Variants in RFTN2 observed in about 807,000 individuals in gnomAD.
RFTN2 encodes raftlin-2.
Under a neutral mutation model 52.7 loss-of-function variants are expected in RFTN2, and 34 were observed. The observed-to-expected ratio is 0.64, with a 90% CI of 0.49 to 0.86. RFTN2 has a LOEUF of 0.86. RFTN2 is among the 40% of genes least tolerant of loss of function. RFTN2 has a pLI of 0.00. For missense variants in RFTN2, 536 were observed against 600.1 expected (o/e 0.89, Z 1.12); for synonymous variants, 203 against 217.7 (o/e 0.93, Z 0.59).
At chr2:197,590,668 T>C (rs937372745) in intron 8 of RFTN2, among the ~76,000 whole-genome samples, 2 of 152,158 alleles carry the variant, frequency 1.3e-5, no homozygotes, top group African/African-American at 4.8e-5. Flanking sequence ...TGTTTGGATG[T>C]GTTCGGAGTT....
Position 197,668,746 on chromosome 2 carries a change from G to A in RFTN2, c.139+6574C>T, listed in dbSNP as rs534315871. ...GGATGGGGCTCTAAAATGGTGCCTT[G>A]CTGTAGCTGCCTAAGTCTCGGGAAG... On this transcript the variant is annotated intron_variant, in intron 1 of 8. Transcript: ENST00000295049. 2.5e-4 allele frequency among the ~76,000 whole-genome samples: 38 copies of A among 152,292 alleles called. No individual in the cohort carries two copies. The South Asian group carries it at 7.5e-3, about 30-fold the overall frequency.
chr2:197,606,539 G>A (rs930202454), intron 7 of RFTN2, among the ~76,000 whole-genome samples: 3 of 152,006 alleles, frequency 2.0e-5, no homozygotes, highest in Admixed American at 6.6e-5. Context: ...AGAGTGAACA[G>A]GCAACCTACA....
At chr2:197,653,970 A>G (rs1043836547) in intron 1 of RFTN2, among the ~76,000 whole-genome samples, 24 of 152,242 alleles carry the variant, frequency 1.6e-4, no homozygotes, top group Non-Finnish European at 2.8e-4. Context: ...CACTCATATA[A>G]CATAAAACCA....
At chr2:197,599,475 C>G (rs948702333) in intron 7 of RFTN2, among the ~76,000 whole-genome samples, 1 of 152,076 alleles carries the variant, frequency 6.6e-6, no homozygotes, top group African/African-American at 2.4e-5. Context: ...GAAAGAGTAT[C>G]TCTACCAGCG....
At chr2:197,609,994 G>A (rs2088029441) in intron 7 of RFTN2, among the ~76,000 whole-genome samples, 1 of 152,308 alleles carries the variant, frequency 6.6e-6, no homozygotes, top group East Asian at 1.9e-4. Context: ...TTTGGTACCA[G>A]TACCATGCTG....
rs1005670850 is a variant in RFTN2 at position 197,571,748 on chromosome 2, T to C, written c.*260A>G. On this transcript the variant is annotated 3_prime_UTR_variant, in exon 9 of 9. Coordinates refer to ENST00000295049, the MANE Select transcript of RFTN2 (RefSeq NM_144629.3). ...TTCATGAGAAGCTGAAATAGATTAT[T>C]GTGTAATAACCGAATGGAACATCTG... is the stretch of plus-strand genomic sequence containing the variant. 2.1e-6 allele frequency: 1 copy of C among 472,812 alleles called. No homozygotes were observed. The highest frequency in any genetic ancestry group is 1.9e-5 in the African/African-American group (1 of 51,370). The allele number at this position is 472,812 out of a possible 1,614,324, so 29.3% of individuals were successfully genotyped here. A position where few individuals can be genotyped will look rare whatever the true frequency, so the allele number is the denominator to read the frequency against.
At chr2:197,608,540 C>T (rs1020908092) in intron 7 of RFTN2, among the ~76,000 whole-genome samples, 1 of 151,544 alleles carries the variant, frequency 6.6e-6, no homozygotes, top group Non-Finnish European at 1.5e-5. Context: ...TCTCAAACTC[C>T]TGACCTCAAG....
chr2:197,569,422 A>G lies in RFTN2; in HGVS notation c.*2586T>C, dbSNP rs1218507195. On this transcript the variant is annotated 3_prime_UTR_variant, in exon 9 of 9. Coordinates refer to ENST00000295049, the MANE Select transcript of RFTN2 (RefSeq NM_144629.3). The stretch of plus-strand genomic sequence containing the variant: ...ATAGCTATTTACACACATTTAAAAT[A>G]CTCTAGAACCACTTGATCATAAATT... The G allele has an allele frequency of 6.6e-6, 1 of 152,212 alleles. No homozygotes were observed. Among genetic ancestry groups the G allele is most frequent in the Non-Finnish European group, 1.5e-5 (1 of 68,048 alleles). 9.4% of individuals were successfully genotyped at this position (152,212 alleles called of 1,614,324 possible).
chr2:197,604,952 G>T (rs554141778), intron 7 of RFTN2, among the ~76,000 whole-genome samples: 1 of 151,962 alleles, frequency 6.6e-6, no homozygotes, highest in South Asian at 2.1e-4. Flanking sequence ...GTACAGACAG[G>T]GTTTTGCCAT....
intron 1 of RFTN2, among the ~76,000 whole-genome samples, chr2:197,653,628 T>C (rs2088853812): frequency 6.6e-6 from 1 of 152,142 alleles, no homozygotes; most frequent in Admixed American, 6.5e-5. Context: ...TGCCAGCAAC[T>C]TCAAAAATCT....
At chr2:197,573,409 G>A (rs1359321305) in intron 8 of RFTN2, among the ~76,000 whole-genome samples, 1 of 152,228 alleles carries the variant, frequency 6.6e-6, no homozygotes, top group African/African-American at 2.4e-5. Flanking sequence ...CTCAAGATAT[G>A]TGGAACTTTG....
intron 7 of RFTN2, among the ~76,000 whole-genome samples, chr2:197,597,588 C>T (rs930792245): frequency 1.3e-5 from 2 of 151,794 alleles, no homozygotes; most frequent in South Asian, 2.1e-4. Flanking sequence ...GGCGTGATCT[C>T]GGCTCACCGC....
chr2:197,644,401 A>G lies in RFTN2; in HGVS notation c.324-129T>C, dbSNP rs1202602610. ...ATCATTTTTTATTATTTCAAACCTG[A>G]TGGCTATCTTCTTATATAAAAATAC... is the stretch of plus-strand genomic sequence containing the variant. On this transcript the variant is annotated intron_variant, in intron 2 of 8. Transcript: ENST00000295049. 5.6e-6 allele frequency: 3 copies of G among 535,602 alleles called. No homozygotes were observed. The African/African-American group carries it at 5.9e-5, about 11-fold the overall frequency. The allele number at this position is 535,602 out of a possible 1,614,324, so 33.2% of individuals were successfully genotyped here.
intron 5 of RFTN2, among the ~76,000 whole-genome samples, chr2:197,620,097 G>A (rs2088237144): frequency 6.6e-6 from 1 of 151,008 alleles, no homozygotes; most frequent in Non-Finnish European, 1.5e-5. Flanking sequence ...GTTAATATTT[G>A]AAATTAAAGA....
At chr2:197,637,974 T>G (rs566032003) in intron 3 of RFTN2, among the ~76,000 whole-genome samples, 4 of 150,872 alleles carry the variant, frequency 2.7e-5, no homozygotes, top group Admixed American at 2.6e-4. Context: ...ACATCTTTAT[T>G]TCTGCCTCCA....
intron 1 of RFTN2, among the ~76,000 whole-genome samples, chr2:197,652,740 G>A (rs1386442769): frequency 6.6e-6 from 1 of 152,160 alleles, no homozygotes; most frequent in African/African-American, 2.4e-5. Context: ...TATTAGCTAA[G>A]AGAATGAAGA....
rs985740178 is a variant in RFTN2 at position 197,584,101 on chromosome 2, CTTCA to C, written c.1234-11825_1234-11822del. ...GCGATAAACATACATGTGCATGTGT[CTTCA>C]TGGCAGCATGATTTATAATCCTTTG... On this transcript the variant is annotated intron_variant, in intron 8 of 8. Transcript: ENST00000295049. 6.1e-4 allele frequency among the ~76,000 whole-genome samples: 93 copies of C among 152,308 alleles called. 1 individual carries two copies. The highest frequency in any genetic ancestry group is 2.2e-3 in the African/African-American group (93 of 41,568).
At chr2:197,574,422 T>TG (rs939166356) in intron 8 of RFTN2, among the ~76,000 whole-genome samples, 2 of 152,208 alleles carry the variant, frequency 1.3e-5, no homozygotes, top group African/African-American at 4.8e-5. Flanking sequence ...TTCTCCCACT[T>TG]GGAATAGATG....
At chr2:197,594,929 CT>C (rs1026013693) in intron 8 of RFTN2, among the ~76,000 whole-genome samples, 2 of 152,182 alleles carry the variant, frequency 1.3e-5, no homozygotes, top group Non-Finnish European at 2.9e-5. Flanking sequence ...ACAATGTTTT[CT>C]TTTTTCAAAT....
Sources: allele counts gnomAD v4.1 joint callset (sites outside exome capture counted in the v4.1 genomes callset), GRCh38; gene constraint gnomAD v4.1.1; transcripts MANE v1.5; gene names NCBI Gene and HGNC (gene_info 2026-07-23, HGNC 2026-07-21).